Variants in NCEH1 observed in about 807,000 individuals in gnomAD.
NCEH1 encodes the protein 2-acetyl MAGE hydrolase.
In NCEH1, 9 loss-of-function variants were observed where a neutral mutation model predicts 25.4. That is an observed-to-expected ratio of 0.35 (90% CI 0.21 to 0.62). NCEH1 has a LOEUF of 0.62. NCEH1 is among the 20% of genes least tolerant of loss of function. The probability of loss-of-function intolerance (pLI) is 0.72; values close to 1 mark genes in which losing one functional copy is unlikely to be tolerated. For missense variants in NCEH1, 412 were observed against 501.1 expected, an observed-to-expected ratio of 0.82 and a Z score of 1.70; for synonymous variants, 200 against 199.8, an observed-to-expected ratio of 1.00 and a Z score of -0.01.
chr3:172,693,050 T>C (rs1001993638), intron 1 of NCEH1, among the ~76,000 whole-genome samples: 1 of 152,200 alleles, frequency 6.6e-6, no homozygotes, highest in African/African-American at 2.4e-5. Flanking sequence ...AGGGGCTTCC[T>C]CCAACCTGGC....
rs376070323 is a variant in NCEH1, at chr3:172,675,758, G to A, written c.139-27644C>T. ...AGGAAAATGTTACTTTTATGTTAAC[G>A]TTTCTGGTAATGTACAGCGACATCT... On this transcript the variant is annotated intron_variant, in intron 1 of 4. Coordinates refer to ENST00000475381, the MANE Select transcript of NCEH1 (RefSeq NM_020792.6). 3.9e-5 allele frequency among the ~76,000 whole-genome samples: 6 copies of A among 152,292 alleles called. No homozygotes were observed. The East Asian group carries it at 1.2e-3, about 29-fold the overall frequency.
intron 3 of NCEH1, among the ~76,000 whole-genome samples, chr3:172,640,546 C>T (rs1395968128): frequency 3.9e-5 from 6 of 152,108 alleles, no homozygotes; most frequent in Non-Finnish European, 5.9e-5. Context: ...CTCGCTCTGT[C>T]GCCCAGGCTG....
chr3:172,644,008 TGA>T (rs1006461336), intron 3 of NCEH1, among the ~76,000 whole-genome samples: 17 of 152,356 alleles, frequency 1.1e-4, no homozygotes, highest in Admixed American at 1.1e-3. Flanking sequence ...GAGGCCTTGC[TGA>T]GAGTCCAGAA....
At chr3:172,700,419 C>T (rs1447004002) in intron 1 of NCEH1, among the ~76,000 whole-genome samples, 1 of 152,150 alleles carries the variant, frequency 6.6e-6, no homozygotes. Flanking sequence ...CATGAGTGTC[C>T]TCACAGCATA....
intron 1 of NCEH1, among the ~76,000 whole-genome samples, chr3:172,698,537 G>C (rs1451828601): frequency 1.3e-5 from 2 of 152,152 alleles, no homozygotes; most frequent in African/African-American, 4.8e-5. Flanking sequence ...CAACATTATG[G>C]GACAGGCAGC....
chr3:172,635,998 T>G lies in NCEH1; in HGVS notation c.527A>C (p.Gln176Pro). The change falls in exon 4 of 5, where the codon CAG (glutamine) becomes CCG (proline). Residue 176 changes from glutamine to proline, a missense_variant. By Grantham distance (76) the Gln-to-Pro change is moderately conservative. This residue lies in a region of NCEH1 where 24 missense variants were observed against 53.8 expected (regional missense o/e 0.45). Transcript: ENST00000475381. The stretch of plus-strand genomic sequence containing the variant: ...TCTGCCTGGATCAACCATATACTTC[T>G]GTAAGACTTCTGGCTTCAGGAAATA... Reference protein sequence around the residue: ...TKYFLKPEVLQKYMVDPGRIC... With the variant: ...TKYFLKPEVLPKYMVDPGRIC... 1 of 1,614,186 alleles carries G rather than the reference T, an allele frequency of 6.2e-7. No individual in the cohort carries two copies. The highest frequency in any genetic ancestry group is 8.5e-7 in the Non-Finnish European group (1 of 1,180,020).
chr3:172,707,978 T>G (rs778403136), intron 1 of NCEH1, among the ~76,000 whole-genome samples: 1 of 152,208 alleles, frequency 6.6e-6, no homozygotes, highest in African/African-American at 2.4e-5. Flanking sequence ...AAGTGTTTTG[T>G]TTTGGTTTGG....
At chr3:172,702,523 G>GT (rs1560210628) in intron 1 of NCEH1, among the ~76,000 whole-genome samples, 1 of 152,176 alleles carries the variant, frequency 6.6e-6, no homozygotes, top group Non-Finnish European at 1.5e-5. Flanking sequence ...TCAAGATTAG[G>GT]TATCTGCCTT....
intron 1 of NCEH1, among the ~76,000 whole-genome samples, chr3:172,707,777 G>A (rs551344116): frequency 6.6e-4 from 101 of 152,168 alleles, no homozygotes; most frequent in Non-Finnish European, 1.3e-3. Flanking sequence ...TAGTAGAGAC[G>A]AGGTTTCACC....
chr3:172,653,214 T>C (rs1717496226), intron 1 of NCEH1, among the ~76,000 whole-genome samples: 1 of 152,106 alleles, frequency 6.6e-6, no homozygotes, highest in African/African-American at 2.4e-5. Flanking sequence ...AGGGTACTCA[T>C]TACGCCCCAG....
At position 172,648,123 on chromosome 3, in the gene NCEH1, CGAGGGAGGAAATAAA is replaced by C; in HGVS notation, c.139-24_139-10del. ...TAGTGGATCAGGTTACTCTGCAGGG[CGAGGGAGGAAATAAA>C]GAGGGAGGGCGCACGTCAACTTGGC... On this transcript the variant is annotated splice_polypyrimidine_tract_variant and intron_variant, in intron 1 of 4. Coordinates refer to ENST00000475381, the MANE Select transcript of NCEH1 (RefSeq NM_020792.6). The C allele has an allele frequency of 6.2e-7, 1 of 1,613,582 alleles. No homozygotes were observed. The highest frequency in any genetic ancestry group is 8.5e-7 in the Non-Finnish European group (1 of 1,179,666).
chr3:172,669,320 T>C (rs1489675801), intron 1 of NCEH1, among the ~76,000 whole-genome samples: 1 of 152,240 alleles, frequency 6.6e-6, no homozygotes, highest in Non-Finnish European at 1.5e-5. Flanking sequence ...CTTTAAACTC[T>C]AAGATGCTAT....
chr3:172,662,813 A>C (rs1246302492), intron 1 of NCEH1, among the ~76,000 whole-genome samples: 4 of 151,636 alleles, frequency 2.6e-5, no homozygotes, highest in East Asian at 1.9e-4. Context: ...GTGGTGATAT[A>C]CCCTTTATCA....
intron 1 of NCEH1, among the ~76,000 whole-genome samples, chr3:172,698,424 A>G (rs1276643579): frequency 6.6e-6 from 1 of 152,242 alleles, no homozygotes; most frequent in Non-Finnish European, 1.5e-5. Context: ...TTTACCTTGG[A>G]AATGATGCAT....
At chr3:172,646,908 A>C (rs140483609) in intron 2 of NCEH1, among the ~76,000 whole-genome samples, 1 of 152,176 alleles carries the variant, frequency 6.6e-6, no homozygotes, top group Non-Finnish European at 1.5e-5. Context: ...AGACTGACCA[A>C]TGGTCCAGAC....
intron 1 of NCEH1, among the ~76,000 whole-genome samples, chr3:172,657,230 C>CT (rs1717737540): frequency 1.3e-5 from 2 of 152,116 alleles, no homozygotes; most frequent in Non-Finnish European, 2.9e-5. Context: ...GACCTGTATT[C>CT]ATATACTGAT....
chr3:172,709,674 C>T (rs1714194420), intron 1 of NCEH1, among the ~76,000 whole-genome samples: 1 of 151,946 alleles, frequency 6.6e-6, no homozygotes, highest in Non-Finnish European at 1.5e-5. Context: ...AGGATAAAGC[C>T]CCACAGATTA....
At chr3:172,643,863 C>T (rs971148945) in intron 3 of NCEH1, among the ~76,000 whole-genome samples, 1 of 152,234 alleles carries the variant, frequency 6.6e-6, no homozygotes, top group Non-Finnish European at 1.5e-5. Context: ...TTCCTCAACA[C>T]CGAGCTGTAG....
At chr3:172,655,049 G>A (rs887532604) in intron 1 of NCEH1, among the ~76,000 whole-genome samples, 7 of 152,208 alleles carry the variant, frequency 4.6e-5, no homozygotes, top group Admixed American at 1.3e-4. Flanking sequence ...CTGCCTGGAC[G>A]CAGTACCAGC....
Sources: gnomAD v4.1 joint callset for allele counts (sites outside exome capture counted in the v4.1 genomes callset) on GRCh38, gnomAD v4.1.1 for gene constraint, gnomAD v4.1.1 regional missense constraint, MANE v1.5 for transcripts, NCBI Gene and HGNC (gene_info 2026-07-23, HGNC 2026-07-21) for gene names.